Variants in KDM4C observed in about 807,000 individuals in gnomAD.
The protein encoded by KDM4C is lysine demethylase 4C.
A neutral mutation model predicts 129.3 loss-of-function variants in KDM4C; 81 were observed. That is an observed-to-expected ratio of 0.63 (90% confidence interval 0.52 to 0.75). The LOEUF is 0.75. Among genes scored for constraint, KDM4C ranks in the 30% least tolerant of loss-of-function variants. KDM4C has a pLI of 0.00. For synonymous variants in KDM4C, 573 were observed against 456.1 expected (o/e 1.26, Z -3.26); for missense variants, 1,457 against 1,304.0 (o/e 1.12, Z -1.81).
At chr9:7,056,103 G>C (rs1830828382) in intron 17 of KDM4C, among the ~76,000 whole-genome samples, 1 of 152,138 alleles carries the variant, frequency 6.6e-6, no homozygotes, top group Non-Finnish European at 1.5e-5. Flanking sequence ...ACAATGATGA[G>C]AAAACTTATT....
In KDM4C at chr9:6,790,433, T is replaced by C. The variant is rs529134570; in HGVS notation, c.-17-2539T>C. 4.8e-3 allele frequency among the ~76,000 whole-genome samples: 719 copies of C among 150,856 alleles called. 6 individuals carry two copies. The highest frequency in any genetic ancestry group is 0.017 in the African/African-American group (698 of 41,164). ...CTAATTTTTTTTTTTTTGTATTTTT[T>C]AGTAGAGATGGGGTTTCACCGTGTT... On this transcript the variant is annotated intron_variant, in intron 1 of 21. Coordinates refer to ENST00000381309, the MANE Select transcript of KDM4C (RefSeq NM_015061.6).
chr9:7,005,793 T>A (rs914477217), intron 12 of KDM4C, among the ~76,000 whole-genome samples: 1 of 152,168 alleles, frequency 6.6e-6, no homozygotes, highest in African/African-American at 2.4e-5. Context: ...TTAACTAATC[T>A]TGTACTCATT....
intron 17 of KDM4C, among the ~76,000 whole-genome samples, chr9:7,050,642 C>A (rs1019831171): frequency 6.6e-6 from 1 of 152,008 alleles, no homozygotes; most frequent in Non-Finnish European, 1.5e-5. Flanking sequence ...TCTACACCAC[C>A]TTTTAAAATC....
intron 8 of KDM4C, among the ~76,000 whole-genome samples, chr9:6,974,580 ACTC>A (rs1832619195): frequency 2.0e-5 from 3 of 152,098 alleles, no homozygotes; most frequent in African/African-American, 7.2e-5. Context: ...CTGGTCTCAA[ACTC>A]CTGACCTCAG....
At chr9:6,882,846 T>C (rs79200156) in intron 6 of KDM4C, among the ~76,000 whole-genome samples, 1 of 152,106 alleles carries the variant, frequency 6.6e-6, no homozygotes, top group Non-Finnish European at 1.5e-5. Context: ...ATTTTTTTAA[T>C]GGCTAGTAAT....
At chr9:6,954,245 C>T (rs558001193) in intron 8 of KDM4C, among the ~76,000 whole-genome samples, 1 of 152,158 alleles carries the variant, frequency 6.6e-6, no homozygotes. Context: ...ATATGACTTT[C>T]TCCTCTTTTC....
chr9:6,751,716 G>A (rs1047884417), intron 1 of KDM4C, among the ~76,000 whole-genome samples: 3 of 152,126 alleles, frequency 2.0e-5, no homozygotes, highest in African/African-American at 7.2e-5. Context: ...GATGGAACAG[G>A]ATAGTTGTTC....
At chr9:6,776,832 G>A (rs878866904) in intron 1 of KDM4C, among the ~76,000 whole-genome samples, 1 of 151,078 alleles carries the variant, frequency 6.6e-6, no homozygotes, top group East Asian at 2.0e-4. Context: ...TCAAACTCCT[G>A]ACCTCATGAT....
intron 8 of KDM4C, among the ~76,000 whole-genome samples, chr9:6,912,834 TC>T (rs1398939649): frequency 6.6e-6 from 1 of 152,184 alleles, no homozygotes; most frequent in African/African-American, 2.4e-5. Flanking sequence ...TGTTTTTTAA[TC>T]CTTTTTTTAA....
At chr9:7,135,172 G>A (rs1841058944) in intron 19 of KDM4C, among the ~76,000 whole-genome samples, 1 of 152,208 alleles carries the variant, frequency 6.6e-6, no homozygotes, top group African/African-American at 2.4e-5. Context: ...GGGATCCTCT[G>A]GAGAAAGTAT....
intron 17 of KDM4C, among the ~76,000 whole-genome samples, chr9:7,053,984 T>G (rs1830547112): frequency 6.6e-6 from 1 of 152,242 alleles, no homozygotes; most frequent in Non-Finnish European, 1.5e-5. Context: ...AATGCAGGTT[T>G]TATATTATGT....
intron 12 of KDM4C, among the ~76,000 whole-genome samples, chr9:7,000,653 A>C (rs10975961): frequency 0.066 from 10,002 of 152,234 alleles, 414 homozygotes; most frequent in South Asian, 0.12. Context: ...TGAAATTGTC[A>C]ATATTTGAAA....
Position 6,741,254 on chromosome 9 carries a change from A to G in KDM4C, c.49+20257A>G, listed in dbSNP as rs114496997. 9.5e-3 allele frequency among the ~76,000 whole-genome samples: 1,438 copies of G among 151,742 alleles called. 21 individuals carry two copies. The highest frequency in any genetic ancestry group is 0.033 in the African/African-American group (1,366 of 41,420). ...CTACTAAAAATACAAAAATTAGCCA[A>G]GGTGGTGGTGCGTGCGTGTAGTCCC... On this transcript the variant is annotated intron_variant, in intron 1 of 17. Transcript: ENST00000536108.
intron 8 of KDM4C, among the ~76,000 whole-genome samples, chr9:6,934,078 C>T (rs151028446): frequency 1.3e-5 from 2 of 151,882 alleles, no homozygotes; most frequent in Non-Finnish European, 2.9e-5. Context: ...TTCTTGAACT[C>T]CTGATCTCAA....
chr9:7,088,121 C>A (rs1430201915), intron 17 of KDM4C, among the ~76,000 whole-genome samples: 3 of 152,316 alleles, frequency 2.0e-5, no homozygotes, highest in African/African-American at 7.2e-5. Flanking sequence ...GATTTTGGTG[C>A]AACCAATCCT....
intron 4 of KDM4C, among the ~76,000 whole-genome samples, chr9:6,832,391 G>A (rs1026571008): frequency 3.4e-5 from 5 of 148,342 alleles, no homozygotes; most frequent in Non-Finnish European, 7.5e-5. Flanking sequence ...TAGAAAATAT[G>A]AATAAAGTAG....
chr9:6,877,692 G>C lies in KDM4C; in HGVS notation c.630-2320G>C, dbSNP rs994876391. ...ATATTGCTTCTTGACTGCTGAGTGG[G>C]GTAGTGCTCTGATTTTATTGTTCAT... On this transcript the variant is annotated intron_variant, in intron 5 of 21. Coordinates refer to ENST00000381309, the MANE Select transcript of KDM4C (RefSeq NM_015061.6). Among the ~76,000 whole-genome samples, 15 of 152,148 alleles carry C rather than the reference G, an allele frequency of 9.9e-5. 1 individual carries two copies. Among genetic ancestry groups the C allele is most frequent in the Admixed American group, 8.5e-4 (13 of 15,282 alleles).
chr9:6,800,079 TA>T (rs896725931), intron 2 of KDM4C, among the ~76,000 whole-genome samples: 1 of 150,936 alleles, frequency 6.6e-6, no homozygotes, highest in African/African-American at 2.4e-5. Context: ...AATAAATAAA[TA>T]AAAAAGGCCA....
intron 4 of KDM4C, among the ~76,000 whole-genome samples, chr9:6,847,331 A>T (rs903492452): frequency 2.0e-5 from 3 of 152,202 alleles, no homozygotes; most frequent in Non-Finnish European, 4.4e-5. Flanking sequence ...ATAGAATGAG[A>T]TAAAATATTT....
Sources: allele counts gnomAD v4.1 joint callset (sites outside exome capture counted in the v4.1 genomes callset), GRCh38; gene constraint gnomAD v4.1.1; transcripts MANE v1.5; gene names NCBI Gene and HGNC (gene_info 2026-07-23, HGNC 2026-07-21).